Variants in GRIA3 observed in about 807,000 individuals in gnomAD.
The protein encoded by GRIA3 is glutamate ionotropic receptor AMPA type subunit 3.
In GRIA3, 3 loss-of-function variants were observed where a neutral mutation model predicts 63.0. The ratio of observed to expected loss-of-function variants is 0.05; its 90% CI spans 0.02 to 0.12. The LOEUF (loss-of-function observed/expected upper bound fraction) is 0.12. Ranked by LOEUF, GRIA3 falls within the 10% of genes least tolerant of loss-of-function variation. The pLI is 1.00. For missense variants in GRIA3, 347 were observed against 700.9 expected, an observed-to-expected ratio of 0.50 and a Z score of 5.70; for synonymous variants, 274 against 257.9, an observed-to-expected ratio of 1.06 and a Z score of -0.60.
chrX:123,383,015 G>A (rs1054611494), intron 5 of GRIA3, among the ~76,000 whole-genome samples: 1 of 111,715 alleles, frequency 9.0e-6, no homozygotes, highest in African/African-American at 3.3e-5. Context: ...TAAGATACAG[G>A]CCAAGCACAA....
chrX:123,233,862 A>G (rs900938574), intron 2 of GRIA3, among the ~76,000 whole-genome samples: 2 of 111,668 alleles, frequency 1.8e-5, no homozygotes, highest in African/African-American at 6.5e-5. Context: ...TATTAGCTAT[A>G]TAAAGCTGTT....
chrX:123,472,664 A>G (rs1329952036), intron 13 of GRIA3, among the ~76,000 whole-genome samples: 1 of 111,691 alleles, frequency 9.0e-6, no homozygotes. Context: ...TTTAGTAGAA[A>G]TCTATCAGTG....
rs188560823 is a variant in GRIA3, at chrX:123,346,941, G to T, written c.697-7969G>T. On this transcript the variant is annotated intron_variant, in intron 4 of 15. Transcript: ENST00000620443. ...ATATTCTTTCTGAATCCAGTGGTAT[G>T]CTGGAAAACTGGCTCCCAGAGAGCA... is the stretch of plus-strand genomic sequence containing the variant. Among the ~76,000 whole-genome samples, 373 of 112,288 alleles carry T rather than the reference G, an allele frequency of 3.3e-3. 1 individual carries two copies. The highest frequency in any genetic ancestry group is 0.012 in the African/African-American group (360 of 30,932).
At chrX:123,318,904 C>G (rs777985706) in intron 3 of GRIA3, among the ~76,000 whole-genome samples, 1 of 111,785 alleles carries the variant, frequency 8.9e-6, no homozygotes, top group Non-Finnish European at 1.9e-5. Flanking sequence ...AACAAAAAGA[C>G]GTTTAATATG....
At chrX:123,360,869 A>G (rs1359765013) in intron 5 of GRIA3, among the ~76,000 whole-genome samples, 20 of 98,518 alleles carry the variant, frequency 2.0e-4, no homozygotes, top group Non-Finnish European at 3.7e-4. Flanking sequence ...ACACACACAC[A>G]CACACACACA....
At chrX:123,262,887 C>G (rs1338502310) in intron 3 of GRIA3, among the ~76,000 whole-genome samples, 1 of 111,249 alleles carries the variant, frequency 9.0e-6, no homozygotes, top group Non-Finnish European at 1.9e-5. Flanking sequence ...AAGTTGGTAT[C>G]TAGAACCAAA....
intron 2 of GRIA3, among the ~76,000 whole-genome samples, chrX:123,217,417 C>T (rs1203418493): frequency 9.0e-6 from 1 of 111,670 alleles, no homozygotes; most frequent in African/African-American, 3.3e-5. Context: ...CCAGCTTTAT[C>T]CTTGACAAGT....
At chrX:123,292,040 C>T (rs762825752) in intron 3 of GRIA3, among the ~76,000 whole-genome samples, 7 of 111,114 alleles carry the variant, frequency 6.3e-5, no homozygotes, top group Non-Finnish European at 1.3e-4. Context: ...CCAAAACTAG[C>T]ATCTAGCTGT....
At chrX:123,474,034 C>T (rs184103908) in intron 13 of GRIA3, among the ~76,000 whole-genome samples, 3 of 112,070 alleles carry the variant, frequency 2.7e-5, no homozygotes, top group Non-Finnish European at 5.6e-5. Flanking sequence ...GTATATATCC[C>T]ATAGTATTTC....
intron 2 of GRIA3, among the ~76,000 whole-genome samples, chrX:123,215,864 A>C (rs1375985902): frequency 1.8e-5 from 2 of 111,661 alleles, no homozygotes; most frequent in African/African-American, 6.5e-5. Flanking sequence ...AGAAAAGCCA[A>C]CTGCTGACCT....
chrX:123,335,301 AAG>A (rs1305616386), intron 4 of GRIA3, among the ~76,000 whole-genome samples: 4 of 111,362 alleles, frequency 3.6e-5, no homozygotes, highest in Admixed American at 1.9e-4. Flanking sequence ...CTGCATTAAA[AAG>A]AGTTTCTGGT....
intron 11 of GRIA3, among the ~76,000 whole-genome samples, chrX:123,421,638 A>G (rs942504219): frequency 1.8e-5 from 2 of 112,169 alleles, no homozygotes; most frequent in Non-Finnish European, 3.8e-5. Context: ...TTTAAGTATT[A>G]GAGCAGGAGA....
intron 3 of GRIA3, among the ~76,000 whole-genome samples, chrX:123,278,698 G>A (rs751827306): frequency 1.8e-5 from 2 of 112,308 alleles, no homozygotes; most frequent in African/African-American, 6.5e-5. Flanking sequence ...TCCCAAATGT[G>A]TGCTCTTGGC....
intron 3 of GRIA3, among the ~76,000 whole-genome samples, chrX:123,289,038 G>T (rs1316578893): frequency 8.9e-6 from 1 of 112,077 alleles, no homozygotes; most frequent in Non-Finnish European, 1.9e-5. Context: ...ATCAATGATA[G>T]ACTGGATAAA....
intron 3 of GRIA3, among the ~76,000 whole-genome samples, chrX:123,308,833 C>T (rs1391439117): frequency 1.8e-5 from 2 of 112,408 alleles, no homozygotes; most frequent in Non-Finnish European, 1.9e-5. Context: ...GAAGCAGCTA[C>T]ATCATCCAAG....
intron 2 of GRIA3, among the ~76,000 whole-genome samples, chrX:123,225,264 T>C (rs1358742463): frequency 2.7e-5 from 3 of 112,206 alleles, no homozygotes; most frequent in African/African-American, 9.7e-5. Context: ...CTATAGTGCC[T>C]GACACATAAT....
intron 3 of GRIA3, among the ~76,000 whole-genome samples, chrX:123,297,973 G>C (rs1205896027): frequency 9.0e-6 from 1 of 110,865 alleles, no homozygotes; most frequent in Non-Finnish European, 1.9e-5. Flanking sequence ...AGAACATGCG[G>C]TATTTGTTTT....
chrX:123,207,148 C>G (rs757548782), intron 2 of GRIA3, among the ~76,000 whole-genome samples: 35 of 82,985 alleles, frequency 4.2e-4, no homozygotes, highest in African/African-American at 1.6e-3. Flanking sequence ...GGAAAATCAC[C>G]TCAGTATTAT....
rs764200669 is a variant in GRIA3, at chrX:123,184,641, A to G, written c.106A>G (p.Ile36Val). The G allele has an allele frequency of 3.9e-5, 46 of 1,174,781 alleles. No individual in the cohort carries two copies. Among genetic ancestry groups the G allele is most frequent in the Non-Finnish European group, 5.0e-5 (43 of 864,943 alleles). ...SHGGFPNTIS[I>V]GGLFMRNTVQ... Reference sequence around the variant, plus strand: ...CGGAGGATTCCCCAACACCATCAGCATAGGTAAGCGCAAGCGAGCCAGCCG... The same window carrying G: ...CGGAGGATTCCCCAACACCATCAGCGTAGGTAAGCGCAAGCGAGCCAGCCG... Residue 36 changes from isoleucine (I) to valine (V), a missense_variant, in exon 1 of 16, where the codon ATA becomes GTA. Around this residue, in one of 8 missense-constraint regions of GRIA3, gnomAD observed 36 missense variants for 28.2 expected, o/e 1.28. Coordinates refer to ENST00000620443, the MANE Select transcript of GRIA3 (RefSeq NM_007325.5).
Sources: allele counts gnomAD v4.1 joint callset (sites outside exome capture counted in the v4.1 genomes callset), GRCh38; gene constraint gnomAD v4.1.1; regional missense constraint gnomAD v4.1.1; transcripts MANE v1.5; gene names NCBI Gene and HGNC (gene_info 2026-07-23, HGNC 2026-07-21).